The following CNTN4 variants were observed in gnomAD, a reference collection of about 807,000 sequenced individuals.
CNTN4 encodes contactin 4.
In CNTN4, 77 loss-of-function variants were observed where a neutral mutation model predicts 122.5. The observed-to-expected ratio is 0.63, with a 90% CI of 0.52 to 0.76. The LOEUF (loss-of-function observed/expected upper bound fraction) is 0.76. Among genes scored for constraint, CNTN4 ranks in the 30% least tolerant of loss-of-function variants. The pLI is 0.00. For synonymous variants in CNTN4, 512 were observed against 447.0 expected (o/e 1.15, Z -1.83); for missense variants, 1,256 against 1,259.1 (o/e 1.00, Z 0.04).
chr3:2,886,941 C>A, intron 9 of CNTN4, 99 bp from the exon 10 acceptor site: 1 of 998,396 alleles, frequency 1.0e-6, no homozygotes, highest in Non-Finnish European at 1.5e-6. Context: ...GCAAAACACC[C>A]AACCTTATAT....
chr3:2,582,464 G>A (rs2079986761), intron 4 of CNTN4, among the ~76,000 whole-genome samples: 1 of 152,080 alleles, frequency 6.6e-6, no homozygotes, highest in Non-Finnish European at 1.5e-5. Context: ...GTCATGGAAG[G>A]TGGCTGGGAT....
intron 7 of CNTN4, among the ~76,000 whole-genome samples, chr3:2,855,282 A>G (rs990734461): frequency 6.6e-6 from 1 of 152,210 alleles, no homozygotes; most frequent in African/African-American, 2.4e-5. Flanking sequence ...TGGCATAGGA[A>G]AAGAAATCTT....
At chr3:2,317,245 C>T (rs532569294) in intron 2 of CNTN4, among the ~76,000 whole-genome samples, 52 of 152,320 alleles carry the variant, frequency 3.4e-4, no homozygotes, top group African/African-American at 1.1e-3. Context: ...GTTTGCATAT[C>T]TGAATTCAAT....
chr3:2,674,367 G>A (rs935270446), intron 4 of CNTN4, among the ~76,000 whole-genome samples: 1 of 152,036 alleles, frequency 6.6e-6, no homozygotes, highest in South Asian at 2.1e-4. Context: ...ATCAAATCAG[G>A]GTAATTAGCA....
intron 3 of CNTN4, among the ~76,000 whole-genome samples, chr3:2,512,622 T>C (rs972532481): frequency 6.6e-6 from 1 of 152,224 alleles, no homozygotes; most frequent in African/African-American, 2.4e-5. Flanking sequence ...TGTCTTTTTT[T>C]ATTAAAAGTG....
chr3:2,124,472 AC>A (rs75276954), intron 2 of CNTN4, among the ~76,000 whole-genome samples: 150 of 128,118 alleles, frequency 1.2e-3, no homozygotes, highest in East Asian at 6.2e-3. Flanking sequence ...ACACACACAC[AC>A]CCCCTTAAGC....
At chr3:2,507,525 G>T (rs1271706656) in intron 3 of CNTN4, among the ~76,000 whole-genome samples, 10 of 151,878 alleles carry the variant, frequency 6.6e-5, no homozygotes, top group Non-Finnish European at 1.5e-4. Context: ...CACAAGATCA[G>T]GAGTTCAAGA....
chr3:2,735,959 G>A, intron 4 of CNTN4: 1 of 594,396 alleles, frequency 1.7e-6, no homozygotes, highest in Non-Finnish European at 3.2e-6. Context: ...GAGACGTCAA[G>A]CAGCCTGCGC....
At chr3:2,622,685 G>C (rs910222839) in intron 4 of CNTN4, among the ~76,000 whole-genome samples, 9 of 152,162 alleles carry the variant, frequency 5.9e-5, no homozygotes, top group Admixed American at 5.2e-4. Flanking sequence ...ATGTTTGCCA[G>C]ACCTTTTGAG....
intron 8 of CNTN4, among the ~76,000 whole-genome samples, chr3:2,881,711 T>G (rs111517812): frequency 0.043 from 385 of 9,042 alleles, 28 homozygotes; most frequent in South Asian, 0.086. Context: ...AAATCATTTC[T>G]CTTTGTGATT....
intron 2 of CNTN4, among the ~76,000 whole-genome samples, chr3:2,193,782 G>A (rs1280807100): frequency 6.6e-6 from 1 of 152,036 alleles, no homozygotes; most frequent in Non-Finnish European, 1.5e-5. Flanking sequence ...TCTTTTCTAC[G>A]TTTAAATTTG....
intron 4 of CNTN4, among the ~76,000 whole-genome samples, chr3:2,585,060 C>T (rs184168616): frequency 1.3e-5 from 2 of 152,254 alleles, no homozygotes; most frequent in East Asian, 1.9e-4. Flanking sequence ...ACATCACTCA[C>T]CTAATATTTT....
chr3:2,264,806 G>T (rs2149776662), intron 2 of CNTN4, among the ~76,000 whole-genome samples: 1 of 152,110 alleles, frequency 6.6e-6, no homozygotes, highest in Non-Finnish European at 1.5e-5. Context: ...TATGGTGAAA[G>T]ATGAGAATCT....
intron 13 of CNTN4, chr3:2,927,376 T>C (rs181826711): frequency 6.6e-6 from 3 of 451,604 alleles, no homozygotes; most frequent in East Asian, 1.4e-4. Flanking sequence ...GACGTTGCCA[T>C]TGCAGAAGGA....
chr3:2,266,325 C>G (rs1269712271), intron 2 of CNTN4, among the ~76,000 whole-genome samples: 1 of 152,000 alleles, frequency 6.6e-6, no homozygotes, highest in African/African-American at 2.4e-5. Flanking sequence ...ATAGTGACTT[C>G]TTTAACCATT....
intron 14 of CNTN4, chr3:3,008,875 C>T: frequency 1.2e-6 from 1 of 869,296 alleles, no homozygotes; most frequent in Non-Finnish European, 1.4e-6. Flanking sequence ...TCGGGTTTCC[C>T]ATTGTCCTCG....
chr3:2,396,950 CA>C (rs1171291576), intron 3 of CNTN4, among the ~76,000 whole-genome samples: 1 of 152,040 alleles, frequency 6.6e-6, no homozygotes. Context: ...AAATAAAATA[CA>C]AAGTAAAGGA....
chr3:2,429,844 C>T (rs556832944), intron 3 of CNTN4, among the ~76,000 whole-genome samples: 1 of 152,262 alleles, frequency 6.6e-6, no homozygotes, highest in South Asian at 2.1e-4. Context: ...GCTGTGCTAA[C>T]AATAAGTGAG....
At chr3:2,294,962 A>G (rs1356674247) in intron 2 of CNTN4, among the ~76,000 whole-genome samples, 1 of 152,070 alleles carries the variant, frequency 6.6e-6, no homozygotes, top group East Asian at 1.9e-4. Flanking sequence ...TTTGCTGAGA[A>G]TGATGGTTTC....
Sources: gnomAD v4.1 joint callset for allele counts (sites outside exome capture counted in the v4.1 genomes callset) on GRCh38, gnomAD v4.1.1 for gene constraint, MANE v1.5 for transcripts, NCBI Gene and HGNC (gene_info 2026-07-23, HGNC 2026-07-21) for gene names.